Variants in AHCY observed in about 807,000 individuals in gnomAD.
AHCY encodes the protein S-adenosyl-L-homocysteine hydrolase.
A neutral mutation model predicts 45.4 loss-of-function variants in AHCY; 24 were observed. The observed-to-expected ratio is 0.53, with a 90% CI of 0.38 to 0.74. The LOEUF (loss-of-function observed/expected upper bound fraction) is 0.74. AHCY is among the 30% of genes least tolerant of loss of function. The probability of loss-of-function intolerance (pLI) is 0.00; values close to 1 mark genes in which losing one functional copy is unlikely to be tolerated. For synonymous variants in AHCY, 245 were observed against 235.1 expected, an observed-to-expected ratio of 1.04 and a Z score of -0.39; for missense variants, 449 against 594.1, an observed-to-expected ratio of 0.76 and a Z score of 2.54.
chr20:34,235,899 A>AAGGAAGG, the AHCY span, among the ~76,000 whole-genome samples: 2 of 64,600 alleles, frequency 3.1e-5, no homozygotes, highest in Non-Finnish European at 5.0e-5. Context: ...GGAAGGAAGG[A>AAGGAAGG]AAGGAAGGAA....
intron 1 of AHCY, among the ~76,000 whole-genome samples, chr20:34,300,705 A>T: frequency 6.6e-6 from 1 of 152,222 alleles, no homozygotes; most frequent in Middle Eastern, 3.2e-3. Flanking sequence ...AGTCCCAGTG[A>T]AGTGGGGAAC....
At position 34,293,348 on chromosome 20, in the gene AHCY, C is replaced by G. The variant is rs115339231; in HGVS notation, c.295+733G>C. 8.4e-3 allele frequency: 1,324 copies of G among 156,750 alleles called. 22 individuals are homozygous for G. The highest frequency in any genetic ancestry group is 0.03 in the African/African-American group (1,260 of 41,510). The allele number at this position is 156,750 out of a possible 1,614,324, so 9.7% of individuals were successfully genotyped here. On this transcript the variant is annotated intron_variant, in intron 3 of 9. Transcript: ENST00000217426. ...TTGTGAGCAAAGGACGCTGGCCAAG[C>G]AGAGCCAGCTGCTTCTACCCACAAC... is the stretch of plus-strand genomic sequence containing the variant.
At chr20:34,309,681 T>G (rs575254690) in intron 1 of AHCY, among the ~76,000 whole-genome samples, 2 of 152,234 alleles carry the variant, frequency 1.3e-5, no homozygotes, top group East Asian at 3.9e-4. Context: ...CTTGGGAGGC[T>G]GAGGCAGGAG....
Position 34,294,124 on chromosome 20 carries a change from G to C in AHCY, c.252C>G (p.Thr84=). 6.2e-7 allele frequency: 1 copy of C among 1,613,872 alleles called. No homozygotes were observed. The highest frequency in any genetic ancestry group is 8.5e-7 in the Non-Finnish European group (1 of 1,180,040). The change falls in exon 3 of 10, where the codon ACC becomes ACG. Residue 84 remains threonine, a synonymous_variant. Coordinates refer to ENST00000217426, the MANE Select transcript of AHCY (RefSeq NM_000687.4). The stretch of plus-strand genomic sequence containing the variant: ...CAATGGCAGCCGCCGCATGGTCCTG[G>C]GTGGAGAAGATGTTGCAGCTGGACC... ...VQWSSCNIFS[T]QDHAAAAIAK... is the part of the protein sequence containing the mutation.
chr20:34,275,052 G>A, the AHCY span, among the ~76,000 whole-genome samples: 1 of 151,790 alleles, frequency 6.6e-6, no homozygotes, highest in East Asian at 1.9e-4. Flanking sequence ...TGAAGGGATT[G>A]GACAAGGCAG....
At chr20:34,270,247 G>A in the AHCY span, among the ~76,000 whole-genome samples, 4 of 149,786 alleles carry the variant, frequency 2.7e-5, no homozygotes, top group Non-Finnish European at 4.4e-5. Flanking sequence ...GTGAAACTCT[G>A]GTTAAAAAAA....
chr20:34,235,824 A>G, the AHCY span, among the ~76,000 whole-genome samples: 77 of 65,714 alleles, frequency 1.2e-3, 2 homozygotes, highest in African/African-American at 7.2e-3. Context: ...AAAGAAAGAA[A>G]GAAAGAAAGA....
chr20:34,284,863 G>A (rs1440157184), intron 9 of AHCY, among the ~76,000 whole-genome samples: 1 of 152,192 alleles, frequency 6.6e-6, no homozygotes, highest in Non-Finnish European at 1.5e-5. Context: ...TGAGTTGCCT[G>A]TATTTGAAAA....
At chr20:34,269,170 GC>G in the AHCY span, 1 of 1,516,506 alleles carries the variant, frequency 6.6e-7, no homozygotes. Flanking sequence ...ACTGCTGAGC[GC>G]CCCCACTCCC....
Position 34,281,048 on chromosome 20 carries a change from G to C in AHCY, c.1285C>G (p.His429Asp). The change falls in exon 10 of 10, where the codon CAC (histidine) becomes GAC (aspartate). Residue 429 changes from histidine (H) to aspartate (D), a missense_variant. Transcript: ENST00000217426. ...MSCDGPFKPD[H>D]YRY ...AGACCTGGCTCTCAGTAGCGGTAGT[G>C]ATCCGGCTTGAAGGGGCCATCACAG... 6.2e-7 allele frequency: 1 copy of C among 1,614,180 alleles called. No homozygotes were observed. The highest frequency in any genetic ancestry group is 8.5e-7 in the Non-Finnish European group (1 of 1,180,036).
intron 1 of AHCY, among the ~76,000 whole-genome samples, chr20:34,299,909 C>T (rs561184217): frequency 3.3e-4 from 51 of 152,298 alleles, no homozygotes; most frequent in Admixed American, 2.6e-3. Flanking sequence ...TCAGGCTGGG[C>T]GCGGTGGCTC....
intron 1 of AHCY, 61 bp from the exon 2 acceptor site, chr20:34,295,646 G>T: frequency 1.3e-6 from 2 of 1,562,680 alleles, no homozygotes; most frequent in Non-Finnish European, 1.7e-6. Flanking sequence ...CAAGAGGGGC[G>T]GTCACTGCAT....
the AHCY span, chr20:34,268,915 A>C: frequency 2.6e-6 from 4 of 1,512,768 alleles, no homozygotes; most frequent in Non-Finnish European, 3.6e-6. Flanking sequence ...CCCTAGCCCG[A>C]GGAGCTCCCA....
intron 1 of AHCY, among the ~76,000 whole-genome samples, chr20:34,298,873 GTCTT>G (rs2036676181): frequency 6.6e-6 from 1 of 152,106 alleles, no homozygotes; most frequent in Non-Finnish European, 1.5e-5. Context: ...TGCGTAAGCT[GTCTT>G]TCTCTCTGTC....
chr20:34,305,580 G>C (rs6120603), upstream of AHCY, among the ~76,000 whole-genome samples: 6 of 152,252 alleles, frequency 3.9e-5, no homozygotes, highest in Admixed American at 3.9e-4. Flanking sequence ...CATGTTACTA[G>C]GTTGTCCTAC....
intron 2 of AHCY, 101 bp downstream of exon 2, chr20:34,295,294 G>A (rs1453769464): frequency 2.8e-6 from 4 of 1,450,814 alleles, no homozygotes; most frequent in Non-Finnish European, 3.8e-6. Context: ...CCCGCGGTCA[G>A]CTCCACACCT....
chr20:34,252,691 C>T, the AHCY span, among the ~76,000 whole-genome samples: 1 of 152,142 alleles, frequency 6.6e-6, no homozygotes, highest in East Asian at 1.9e-4. Flanking sequence ...AGCACAGACC[C>T]TTTATGGGTG....
rs1423104023 is a variant in AHCY, at chr20:34,299,576, T to C, written c.28+3667A>G. Among the ~76,000 whole-genome samples the C allele has an allele frequency of 3.9e-5, 6 of 152,160 alleles. No homozygotes were observed. The East Asian group carries it at 1.2e-3, about 29-fold the overall frequency. ...TCTACGGGGATGACTCCCACGTATT[T>C]ATATCCAGCCCAAACTACTCCCCTG... On this transcript the variant is annotated intron_variant, in intron 1 of 9. Coordinates refer to ENST00000217426, the MANE Select transcript of AHCY (RefSeq NM_000687.4).
the AHCY span, chr20:34,269,272 G>C: frequency 3.7e-6 from 5 of 1,345,088 alleles, no homozygotes; most frequent in African/African-American, 7.8e-5. Context: ...CAGGCGGGCG[G>C]AGGTTCCAGG....
Sources: allele counts gnomAD v4.1 joint callset (sites outside exome capture counted in the v4.1 genomes callset), GRCh38; gene constraint gnomAD v4.1.1; transcripts MANE v1.5; gene names NCBI Gene and HGNC (gene_info 2026-07-23, HGNC 2026-07-21).